CA10: variants seen among roughly 807,000 people sequenced by gnomAD.
The protein encoded by CA10 is carbonic anhydrase-related protein 10.
Under a neutral mutation model 44.2 loss-of-function variants are expected in CA10, and 14 were observed. The observed-to-expected ratio is 0.32, with a 90% confidence interval of 0.21 to 0.50. The LOEUF is 0.50. Ranked by LOEUF, CA10 falls within the 20% of genes least tolerant of loss-of-function variation. CA10 has a pLI of 0.99. For missense variants in CA10, 350 were observed against 409.7 expected, an observed-to-expected ratio of 0.85 and a Z score of 1.26; for synonymous variants, 159 against 141.6, an observed-to-expected ratio of 1.12 and a Z score of -0.87.
At chr17:51,810,163 G>T (rs1020803224) in intron 3 of CA10, among the ~76,000 whole-genome samples, 7 of 152,050 alleles carry the variant, frequency 4.6e-5, no homozygotes, top group Non-Finnish European at 8.8e-5. Flanking sequence ...GATCAACATT[G>T]GTTATGTTTC....
intron 3 of CA10, among the ~76,000 whole-genome samples, chr17:51,866,526 C>T (rs1979553903): frequency 6.6e-6 from 1 of 152,246 alleles, no homozygotes; most frequent in Non-Finnish European, 1.5e-5. Flanking sequence ...TTCTCTGTAT[C>T]TACAGCTTAA....
At chr17:51,820,871 T>C (rs1487039552) in intron 3 of CA10, among the ~76,000 whole-genome samples, 1 of 152,100 alleles carries the variant, frequency 6.6e-6, no homozygotes, top group African/African-American at 2.4e-5. Flanking sequence ...TGCAGAAGTG[T>C]TTCTTTTTGG....
intron 2 of CA10, among the ~76,000 whole-genome samples, chr17:52,059,283 A>G (rs1228048500): frequency 1.3e-5 from 2 of 152,176 alleles, no homozygotes; most frequent in African/African-American, 2.4e-5. Context: ...AAAAAATATC[A>G]GAGCTGGAAT....
At chr17:51,647,135 T>C (rs1196260590) in intron 6 of CA10, among the ~76,000 whole-genome samples, 1 of 152,140 alleles carries the variant, frequency 6.6e-6, no homozygotes, top group African/African-American at 2.4e-5. Flanking sequence ...GGTGTTTAAA[T>C]GTCTGCCTGC....
rs1046255461 is a variant in CA10, at chr17:51,881,080, T to TA, written c.279+49909dup. 1.1e-3 allele frequency among the ~76,000 whole-genome samples: 162 copies of TA among 147,814 alleles called. 2 individuals are homozygous for TA. The highest frequency in any genetic ancestry group is 3.1e-3 in the African/African-American group (125 of 40,516). On this transcript the variant is annotated intron_variant, in intron 3 of 8. Coordinates refer to ENST00000451037, the MANE Select transcript of CA10 (RefSeq NM_020178.5). ...GTGAAACCCTGTCTCTACTAAAAATTAAAAAAAAAATTAGCCAGGCATGGT... is the reference window on the plus strand; with the variant it reads ...GTGAAACCCTGTCTCTACTAAAAATTAAAAAAAAAAATTAGCCAGGCATGGT...
intron 2 of CA10, among the ~76,000 whole-genome samples, chr17:51,990,928 C>A (rs1208353887): frequency 2.6e-5 from 4 of 152,020 alleles, no homozygotes; most frequent in Non-Finnish European, 5.9e-5. Context: ...AAAACAGATA[C>A]CAGAAACAGG....
At chr17:51,790,334 G>A (rs933252663) in intron 3 of CA10, among the ~76,000 whole-genome samples, 7 of 152,230 alleles carry the variant, frequency 4.6e-5, no homozygotes, top group African/African-American at 9.6e-5. Context: ...TGGCTCCTGC[G>A]TGAAACAGGA....
At chr17:51,634,369 A>G (rs1179001751) in intron 7 of CA10, among the ~76,000 whole-genome samples, 1 of 152,214 alleles carries the variant, frequency 6.6e-6, no homozygotes, top group Non-Finnish European at 1.5e-5. Flanking sequence ...GTCCCATTCA[A>G]TACAGATAGG....
At chr17:51,801,501 C>A (rs979691839) in intron 3 of CA10, among the ~76,000 whole-genome samples, 3 of 151,252 alleles carry the variant, frequency 2.0e-5, no homozygotes, top group Admixed American at 1.3e-4. Flanking sequence ...TAAAAAAAAA[C>A]AGGCTCTTCA....
chr17:51,788,299 G>A (rs1192378405), intron 3 of CA10, among the ~76,000 whole-genome samples: 1 of 152,118 alleles, frequency 6.6e-6, no homozygotes. Flanking sequence ...ATTCTATTAT[G>A]ACCAGAGAAG....
chr17:51,692,460 T>TA (rs1194068103), intron 4 of CA10, among the ~76,000 whole-genome samples: 1 of 152,076 alleles, frequency 6.6e-6, no homozygotes, highest in African/African-American at 2.4e-5. Context: ...TAGGTTTTTT[T>TA]AAAACCTAAG....
At chr17:51,949,248 T>C (rs915387024) in intron 2 of CA10, among the ~76,000 whole-genome samples, 8 of 152,184 alleles carry the variant, frequency 5.3e-5, no homozygotes, top group Non-Finnish European at 5.9e-5. Context: ...ATATAATATG[T>C]GTAATTCAAA....
chr17:51,694,491 TG>T (rs1179991953), intron 4 of CA10, among the ~76,000 whole-genome samples: 15 of 146,838 alleles, frequency 1.0e-4, no homozygotes, highest in African/African-American at 2.4e-4. Flanking sequence ...CACTTTTTAA[TG>T]GGGTTTTTTT....
At chr17:52,080,199 T>C (rs944896526) in intron 1 of CA10, among the ~76,000 whole-genome samples, 2 of 152,180 alleles carry the variant, frequency 1.3e-5, no homozygotes, top group Non-Finnish European at 2.9e-5. Flanking sequence ...ACGCCACTAA[T>C]CCCAGCACTT....
At chr17:52,038,375 G>C (rs1986676687) in intron 2 of CA10, among the ~76,000 whole-genome samples, 1 of 152,172 alleles carries the variant, frequency 6.6e-6, no homozygotes, top group East Asian at 1.9e-4. Flanking sequence ...CAGAAGCTTG[G>C]AGAGGCTACC....
chr17:52,120,143 G>A (rs572963844), intron 1 of CA10, among the ~76,000 whole-genome samples: 1 of 152,346 alleles, frequency 6.6e-6, no homozygotes, highest in Admixed American at 6.5e-5. Context: ...AGTTATCTGT[G>A]TGTGCCAGCA....
chr17:52,003,305 G>A (rs190503187), intron 2 of CA10, among the ~76,000 whole-genome samples: 284 of 151,940 alleles, frequency 1.9e-3, no homozygotes, highest in African/African-American at 6.5e-3. Context: ...GGCTCCCCAC[G>A]GATGCCCTCC....
chr17:51,714,993 A>T (rs116549257), intron 4 of CA10, among the ~76,000 whole-genome samples: 1,699 of 152,310 alleles, frequency 0.011, 30 homozygotes, highest in African/African-American at 0.039. Flanking sequence ...TTATAGCTTT[A>T]TGTTCTCACA....
intron 3 of CA10, among the ~76,000 whole-genome samples, chr17:51,842,529 G>A (rs1308391408): frequency 6.6e-6 from 1 of 152,166 alleles, no homozygotes; most frequent in Non-Finnish European, 1.5e-5. Context: ...CAGTTTTAGA[G>A]TGAGCAGTCA....
Sources: gnomAD v4.1 joint callset for allele counts (sites outside exome capture counted in the v4.1 genomes callset) on GRCh38, gnomAD v4.1.1 for gene constraint, MANE v1.5 for transcripts, NCBI Gene and HGNC (gene_info 2026-07-23, HGNC 2026-07-21) for gene names.